Variants in ZSCAN5C observed in about 807,000 individuals in gnomAD.
The protein encoded by ZSCAN5C is zinc finger and SCAN domain containing 5C.
In ZSCAN5C, 11 loss-of-function variants were observed where a neutral mutation model predicts 17.3. The ratio of observed to expected loss-of-function variants is 0.64; its 90% CI spans 0.40 to 1.06. The LOEUF (loss-of-function observed/expected upper bound fraction) is 1.06, where lower values mean the gene tolerates loss of function less well. ZSCAN5C is among the 50% of genes least tolerant of loss of function. The pLI is 0.00. For synonymous variants in ZSCAN5C, 229 were observed against 208.4 expected (o/e 1.10, Z -0.85); for missense variants, 698 against 538.9 (o/e 1.30, Z -2.92).
Position 56,205,950 on chromosome 19 carries a change from G to T in ZSCAN5C, c.37G>T (p.Glu13Ter), listed in dbSNP as rs2032915270. Residue 13 changes from glutamate (E) to a stop codon, truncating the protein, a stop_gained, in exon 2 of 5, where the codon GAA (glutamate) becomes TAA (stop). Coordinates refer to ENST00000534327, the Ensembl canonical transcript of ZSCAN5C. LOFTEE classifies it high-confidence loss of function. Reference sequence around the variant, plus strand: ...TTGCACATCCTCATGGAGTCTAGGAGAATCCTGCAACAGCCCTGGGTCAGA... The same window carrying T: ...TTGCACATCCTCATGGAGTCTAGGATAATCCTGCAACAGCCCTGGGTCAGA... The T allele has an allele frequency of 7.3e-7, 1 of 1,367,952 alleles. No homozygotes were observed. Among genetic ancestry groups the T allele is most frequent in the African/African-American group, 1.5e-5 (1 of 68,808 alleles). 84.7% of individuals were successfully genotyped at this position (1,367,952 alleles called of 1,614,324 possible). A position where few individuals can be genotyped will look rare whatever the true frequency, so the allele number is the denominator to read the frequency against.
At position 56,207,098 on chromosome 19, in the gene ZSCAN5C, G is replaced by GA. The variant is rs1164018567; in HGVS notation, c.426dup (p.Ser143IlefsTer7). On this transcript the variant is annotated frameshift_variant, in exon 3 of 5. Transcript: ENST00000534327. LOFTEE classifies it high-confidence loss of function. ...TCTTGGCAAGGAATATCTTATGCAG[G>GA]AATCAGATGTGGAGATGGCTGAAGC... is the stretch of plus-strand genomic sequence containing the variant. 5 of 747,322 alleles carry GA rather than the reference G, an allele frequency of 6.7e-6. No homozygotes were observed. Among genetic ancestry groups the GA allele is most frequent in the Non-Finnish European group, 1.2e-5 (5 of 404,886 alleles). The allele number at this position is 747,322 out of a possible 1,614,324, so 46.3% of individuals were successfully genotyped here.
At position 56,204,644 on chromosome 19, in the gene ZSCAN5C, G is replaced by T. The variant is rs544948284; in HGVS notation, c.-127-1143G>T. Among the ~76,000 whole-genome samples, 118 of 151,914 alleles carry T rather than the reference G, an allele frequency of 7.8e-4. 1 individual carries two copies. Among genetic ancestry groups the T allele is most frequent in the African/African-American group, 2.3e-3 (95 of 41,214 alleles). On this transcript the variant is annotated intron_variant, in intron 1 of 4. Coordinates refer to ENST00000534327, the Ensembl canonical transcript of ZSCAN5C. ...TGTGTAAATATTGTCTCCTCCTCTG[G>T]GTTGTCTCCCGCCTCTGCCGATTGT...
chr19:56,208,675 A>T (rs187259683), exon 5 of ZSCAN5C: 1 of 1,612,566 alleles, frequency 6.2e-7, no homozygotes, highest in African/African-American at 1.3e-5. Flanking sequence ...TGGGCAACAG[A>T]GAATCCCCGG....
At position 56,206,080 on chromosome 19, in the gene ZSCAN5C, C is replaced by A. The variant is rs771189828; in HGVS notation, c.167C>A (p.Ser56Ter). ...AGGATGTTCAGCTGCCCGAAGGAGT[C>A]GGACCCCATCCAGGCTCTGAGGAAA... Residue 56 changes from serine to a stop codon, truncating the protein, a stop_gained, in exon 2 of 5, where the codon TCG (serine) becomes TAG (stop). Transcript: ENST00000534327. LOFTEE classifies it high-confidence loss of function. 5 of 1,611,122 alleles carry A rather than the reference C, an allele frequency of 3.1e-6. No individual in the cohort carries two copies. Among genetic ancestry groups the A allele is most frequent in the East Asian group, 2.2e-5 (1 of 44,860 alleles).
downstream of ZSCAN5C, chr19:56,209,214 T>C: frequency 1.4e-6 from 1 of 706,920 alleles, no homozygotes; most frequent in Non-Finnish European, 2.5e-6. Flanking sequence ...CACCATCGGG[T>C]CTGTCTTCTG....
chr19:56,206,923 G>C (rs867149457), intron 2 of ZSCAN5C, 136 bp from the exon 3 acceptor site: 1 of 601,270 alleles, frequency 1.7e-6, no homozygotes, highest in Middle Eastern at 4.4e-4. Flanking sequence ...AGTTCACACA[G>C]AGCTGATTCT....
chr19:56,202,926 C>T (rs1422399558), intron 1 of ZSCAN5C, among the ~76,000 whole-genome samples: 2 of 151,968 alleles, frequency 1.3e-5, no homozygotes, highest in Non-Finnish European at 2.9e-5. Flanking sequence ...GATGAATGGG[C>T]ATCAACCTAC....
At chr19:56,207,087 A>T (rs1216248810) in exon 3 of ZSCAN5C, 1 of 738,636 alleles carries the variant, frequency 1.4e-6, no homozygotes, top group East Asian at 2.5e-5. Flanking sequence ...GGCAAGGAAT[A>T]TCTTATGCAG....
At position 56,206,093 on chromosome 19, in the gene ZSCAN5C, G is replaced by A. The variant is rs150008894; in HGVS notation, c.180G>A (p.Gln60=). 5.9e-3 allele frequency: 9,478 copies of A among 1,609,504 alleles called. 630 individuals are homozygous for A. The African/African-American group carries it at 0.11, about 19-fold the overall frequency. Residue 60 remains glutamine, a synonymous_variant, in exon 2 of 5, where the codon CAG becomes CAA. Coordinates refer to ENST00000534327, the Ensembl canonical transcript of ZSCAN5C. The stretch of plus-strand genomic sequence containing the variant: ...GCCCGAAGGAGTCGGACCCCATCCA[G>A]GCTCTGAGGAAACTCACTGAGCTGT...
intron 2 of ZSCAN5C, among the ~76,000 whole-genome samples, chr19:56,206,800 C>A (rs1289093053): frequency 9.4e-6 from 1 of 106,712 alleles, no homozygotes; most frequent in Non-Finnish European, 2.3e-5. Flanking sequence ...ATGAGCCCGC[C>A]ATCAGCCAAT....
In ZSCAN5C at chr19:56,207,281, G is replaced by C. The variant is rs981239089; in HGVS notation, c.588+19G>C. On this transcript the variant is annotated intron_variant, in intron 3 of 4. Coordinates refer to ENST00000534327, the Ensembl canonical transcript of ZSCAN5C. ...GAGGCAGGTGGGTGTGTGAGGCCTTGGTGTCTGGGCAGAGGTGGGAGAAGG... is the reference window on the plus strand; with the variant it reads ...GAGGCAGGTGGGTGTGTGAGGCCTTCGTGTCTGGGCAGAGGTGGGAGAAGG... 1.0e-5 allele frequency: 8 copies of C among 767,556 alleles called. No individual in the cohort carries two copies. Among genetic ancestry groups the C allele is most frequent in the Non-Finnish European group, 1.9e-5 (8 of 411,300 alleles). The allele number at this position is 767,556 out of a possible 1,614,324, so 47.5% of individuals were successfully genotyped here. A position where few individuals can be genotyped will look rare whatever the true frequency, so the allele number is the denominator to read the frequency against.
rs900117999 is a variant in ZSCAN5C, at chr19:56,203,970, T to A, written c.-128+1648T>A. 1.2e-4 allele frequency among the ~76,000 whole-genome samples: 18 copies of A among 151,892 alleles called. 1 individual carries two copies. The highest frequency in any genetic ancestry group is 3.4e-4 in the African/African-American group (14 of 41,192). ...AGCCTGAGTCCACTAGGTTTTTAAT[T>A]ATTGTTTACATTACCTACTTCTTTT... On this transcript the variant is annotated intron_variant, in intron 1 of 4. Transcript: ENST00000534327.
chr19:56,208,339 G>C, intron 4 of ZSCAN5C, 110 bp from the exon 5 acceptor site: 1 of 779,376 alleles, frequency 1.3e-6, no homozygotes, highest in South Asian at 1.7e-5. Flanking sequence ...CAATGTCTTA[G>C]GTTTAAGGTT....
At chr19:56,206,843 T>C (rs959735197) in intron 2 of ZSCAN5C, among the ~76,000 whole-genome samples, 2 of 149,606 alleles carry the variant, frequency 1.3e-5, no homozygotes, top group Non-Finnish European at 3.0e-5. Context: ...TTTCTCCCTC[T>C]TTTCTCTTTG....
At chr19:56,208,586 A>C in exon 5 of ZSCAN5C, 4 of 1,596,964 alleles carry the variant, frequency 2.5e-6, no homozygotes, top group Non-Finnish European at 3.4e-6. Context: ...AGACGCTCTG[A>C]ATCTGAGAGG....
At chr19:56,207,204 G>A in exon 3 of ZSCAN5C, 1 of 777,972 alleles carries the variant, frequency 1.3e-6, no homozygotes. Flanking sequence ...CCGGAGGAAG[G>A]CCAGGCCAGC....
chr19:56,203,173 A>G (rs567700370), intron 1 of ZSCAN5C, among the ~76,000 whole-genome samples: 1 of 151,952 alleles, frequency 6.6e-6, no homozygotes, highest in East Asian at 1.9e-4. Flanking sequence ...CCTGGGCTCG[A>G]GGGATCCTCC....
exon 5 of ZSCAN5C, chr19:56,208,802 T>C (rs1415273742): frequency 6.4e-7 from 1 of 1,573,904 alleles, no homozygotes; most frequent in Non-Finnish European, 8.7e-7. Flanking sequence ...CGGCAAGAGG[T>C]TTAAGTATCG....
chr19:56,208,491 G>A (rs566350079), exon 5 of ZSCAN5C: 2 of 1,521,646 alleles, frequency 1.3e-6, no homozygotes, highest in East Asian at 2.3e-5. Flanking sequence ...CCCCAAAAAA[G>A]AGCCTCTGTG....
Sources: allele counts gnomAD v4.1 joint callset (sites outside exome capture counted in the v4.1 genomes callset), GRCh38; gene constraint gnomAD v4.1.1; transcripts MANE v1.5; gene names NCBI Gene and HGNC (gene_info 2026-07-23, HGNC 2026-07-21).